MAP2: variants seen among roughly 807,000 people sequenced by gnomAD.
MAP2 encodes microtubule-associated protein 2.
MAP2 carries 14 observed loss-of-function variants against 137.6 expected under a neutral mutation model. The observed-to-expected ratio is 0.10, with a 90% CI of 0.07 to 0.16. The LOEUF is 0.16. Among genes scored for constraint, MAP2 ranks in the 10% least tolerant of loss-of-function variants. The probability of loss-of-function intolerance (pLI) is 1.00; values close to 1 mark genes in which losing one functional copy is unlikely to be tolerated. For synonymous variants in MAP2, 786 were observed against 782.3 expected, an observed-to-expected ratio of 1.00 and a Z score of -0.08; for missense variants, 2,088 against 2,191.5, an observed-to-expected ratio of 0.95 and a Z score of 0.94.
chr2:209,640,193 TC>T (rs1227426210), intron 4 of MAP2, among the ~76,000 whole-genome samples: 2 of 152,022 alleles, frequency 1.3e-5, no homozygotes, highest in African/African-American at 4.8e-5. Flanking sequence ...CTCCACAACT[TC>T]CCGTCCTTAT....
intron 2 of MAP2, among the ~76,000 whole-genome samples, chr2:209,521,912 C>T (rs530009878): frequency 1.3e-4 from 20 of 152,060 alleles, no homozygotes; most frequent in African/African-American, 4.8e-4. Flanking sequence ...TTTTGTAAGA[C>T]TTCATATTAA....
At chr2:209,445,428 T>G (rs1479699353) in intron 1 of MAP2, among the ~76,000 whole-genome samples, 2 of 151,530 alleles carry the variant, frequency 1.3e-5, no homozygotes, top group African/African-American at 4.8e-5. Flanking sequence ...AGTGTTTGGG[T>G]TTTCTTAAAA....
intron 3 of MAP2, among the ~76,000 whole-genome samples, chr2:209,614,511 C>T (rs188978137): frequency 3.6e-4 from 55 of 152,172 alleles, no homozygotes; most frequent in Admixed American, 3.3e-3. Flanking sequence ...ATTATGCACT[C>T]AGGAATATGG....
In MAP2 at chr2:209,459,558, G is replaced by A. The variant is rs115844550; in HGVS notation, c.-222+35282G>A. ...CCCATTCTGCCCTCCAGGCAGATTC[G>A]GATCTTGGTGTCTAGCTCTCATACA... On this transcript the variant is annotated intron_variant, in intron 1 of 15. Coordinates refer to ENST00000682079, the MANE Select transcript of MAP2 (RefSeq NM_001375505.1). Among the ~76,000 whole-genome samples, 1,425 of 152,270 alleles carry A rather than the reference G, an allele frequency of 9.4e-3. 15 individuals carry two copies. Among genetic ancestry groups the A allele is most frequent in the Non-Finnish European group, 0.015 (1,002 of 68,020 alleles).
intron 2 of MAP2, among the ~76,000 whole-genome samples, chr2:209,526,886 G>T (rs1173920299): frequency 6.6e-6 from 1 of 152,016 alleles, no homozygotes; most frequent in Non-Finnish European, 1.5e-5. Context: ...ATCCATGGCA[G>T]ATCTATGATG....
At chr2:209,684,036 GA>G (rs997741580) in intron 7 of MAP2, among the ~76,000 whole-genome samples, 3 of 151,758 alleles carry the variant, frequency 2.0e-5, no homozygotes, top group African/African-American at 7.2e-5. Context: ...GGATTTTGAT[GA>G]AAAAAAAGGA....
In MAP2 at chr2:209,695,757, T is replaced by C; in HGVS notation, c.3587T>C (p.Phe1196Ser). Reference protein sequence around the residue: ...TDERADVQMEFIQGPKEESKE... With the variant: ...TDERADVQMESIQGPKEESKE... ...GAGAGAGCTGATGTCCAGATGGAAT[T>C]TATTCAGGGGCCAAAAGAAGAAAGC... is the stretch of plus-strand genomic sequence containing the variant. Residue 1196 changes from phenylalanine to serine, a missense_variant, in exon 8 of 16, where the codon TTT becomes TCT. By Grantham distance (155) the Phe-to-Ser change is radical (BLOSUM62 -2). Transcript: ENST00000682079. 6.2e-7 allele frequency: 1 copy of C among 1,613,910 alleles called. No individual in the cohort carries two copies.
intron 1 of MAP2, among the ~76,000 whole-genome samples, chr2:209,436,386 A>G (rs1696297381): frequency 6.6e-6 from 1 of 151,636 alleles, no homozygotes; most frequent in South Asian, 2.1e-4. Flanking sequence ...TATTACAATT[A>G]CTCAGCTCTG....
At chr2:209,690,674 G>T (rs2058588299) in intron 7 of MAP2, 1 of 1,289,664 alleles carries the variant, frequency 7.8e-7, no homozygotes, top group Non-Finnish European at 1.0e-6. Flanking sequence ...AGAGTGTGGG[G>T]CTGCTAAGTC....
At chr2:209,644,690 A>C (rs926095940) in intron 4 of MAP2, among the ~76,000 whole-genome samples, 3 of 150,228 alleles carry the variant, frequency 2.0e-5, no homozygotes, top group African/African-American at 4.9e-5. Flanking sequence ...AAAAAAAAAA[A>C]AGACAATGAA....
chr2:209,475,969 C>T (rs1329841709), intron 1 of MAP2, among the ~76,000 whole-genome samples: 1 of 152,046 alleles, frequency 6.6e-6, no homozygotes, highest in African/African-American at 2.4e-5. Flanking sequence ...TTCCATTTCT[C>T]TCTTTCAGAG....
chr2:209,731,283 T>G lies in MAP2; in HGVS notation c.*886T>G, dbSNP rs1191308869. 6.6e-6 allele frequency: 1 copy of G among 152,400 alleles called. No individual in the cohort carries two copies. The highest frequency in any genetic ancestry group is 1.9e-4 in the East Asian group (1 of 5,204). 9.4% of individuals were successfully genotyped at this position (152,400 alleles called of 1,614,324 possible). ...CTCCTGCACCCTTTGGTGTTGCAAT[T>G]TTAGATATGTGAAAGTAGATGTTAG... On this transcript the variant is annotated 3_prime_UTR_variant, in exon 16 of 16. Coordinates refer to ENST00000682079, the MANE Select transcript of MAP2 (RefSeq NM_001375505.1).
chr2:209,586,995 A>C (rs1353517463), intron 3 of MAP2, among the ~76,000 whole-genome samples: 8 of 152,116 alleles, frequency 5.3e-5, no homozygotes, highest in Admixed American at 2.0e-4. Flanking sequence ...AAATCCATTA[A>C]ATCAACCCAA....
At chr2:209,484,075 A>C (rs1002386050) in intron 1 of MAP2, among the ~76,000 whole-genome samples, 2 of 152,162 alleles carry the variant, frequency 1.3e-5, no homozygotes, top group African/African-American at 4.8e-5. Context: ...TTGATTCCTT[A>C]GTTAAAAAAA....
intron 1 of MAP2, among the ~76,000 whole-genome samples, chr2:209,498,983 C>A (rs1333549283): frequency 6.6e-6 from 1 of 152,184 alleles, no homozygotes; most frequent in Non-Finnish European, 1.5e-5. Flanking sequence ...GTGGTTGTTC[C>A]ACAGCCTGCT....
intron 1 of MAP2, among the ~76,000 whole-genome samples, chr2:209,480,203 C>A (rs923982893): frequency 6.6e-6 from 1 of 152,082 alleles, no homozygotes; most frequent in Admixed American, 6.6e-5. Flanking sequence ...GGATGAGGGT[C>A]TTTCTTAGGA....
At chr2:209,647,967 A>AT (rs1023762660) in intron 4 of MAP2, among the ~76,000 whole-genome samples, 4 of 152,006 alleles carry the variant, frequency 2.6e-5, no homozygotes, top group African/African-American at 7.2e-5. Context: ...GTGGCACAAT[A>AT]TTTTTTCTTT....
In MAP2 at chr2:209,625,037, T is replaced by G. The variant is rs1252067029; in HGVS notation, c.-106-16T>G. 1 of 152,158 alleles carries G rather than the reference T, an allele frequency of 6.6e-6. No homozygotes were observed. Among genetic ancestry groups the G allele is most frequent in the Non-Finnish European group, 1.5e-5 (1 of 68,026 alleles). 9.4% of individuals were successfully genotyped at this position (152,158 alleles called of 1,614,324 possible). On this transcript the variant is annotated splice_polypyrimidine_tract_variant and intron_variant, in intron 3 of 15. Transcript: ENST00000682079. ...GGATCAGGGATTAAACTATTAATTT[T>G]CTATTTTTTTAACAGAAAGAAGCCA...
chr2:209,587,391 C>A (rs1448634947), intron 3 of MAP2, among the ~76,000 whole-genome samples: 4 of 151,956 alleles, frequency 2.6e-5, no homozygotes, highest in African/African-American at 9.7e-5. Flanking sequence ...CCGTTGAAAT[C>A]ATCTCTTTGT....
Sources: gnomAD v4.1 joint callset for allele counts (sites outside exome capture counted in the v4.1 genomes callset) on GRCh38, gnomAD v4.1.1 for gene constraint, MANE v1.5 for transcripts, NCBI Gene and HGNC (gene_info 2026-07-23, HGNC 2026-07-21) for gene names.